The following SEMA6A variants were observed in gnomAD, a reference collection of about 807,000 sequenced individuals.
SEMA6A encodes semaphorin-6A.
Under a neutral mutation model 96.8 loss-of-function variants are expected in SEMA6A, and 25 were observed. The observed-to-expected ratio is 0.26, with a 90% CI of 0.19 to 0.36. The LOEUF is 0.36. Among genes scored for constraint, SEMA6A ranks in the 10% least tolerant of loss-of-function variants. The pLI is 1.00. For missense variants in SEMA6A, 1,363 were observed against 1,323.1 expected, an observed-to-expected ratio of 1.03 and a Z score of -0.47; for synonymous variants, 612 against 518.0, an observed-to-expected ratio of 1.18 and a Z score of -2.46.
At chr5:116,552,136 T>C (rs1241569402) in intron 1 of SEMA6A, among the ~76,000 whole-genome samples, 1 of 152,250 alleles carries the variant, frequency 6.6e-6, no homozygotes, top group Non-Finnish European at 1.5e-5. Context: ...AGGTGAGCTA[T>C]AGGCTTGTTC....
chr5:116,542,548 A>G (rs1398672750), intron 1 of SEMA6A, among the ~76,000 whole-genome samples: 2 of 152,220 alleles, frequency 1.3e-5, no homozygotes, highest in East Asian at 1.9e-4. Flanking sequence ...TAAAAGCACC[A>G]TGGGCCATAC....
intron 1 of SEMA6A, among the ~76,000 whole-genome samples, chr5:116,517,031 A>T (rs1244838178): frequency 6.6e-6 from 1 of 152,170 alleles, no homozygotes; most frequent in African/African-American, 2.4e-5. Flanking sequence ...GGCCAAGTTC[A>T]TTTCAGGAGT....
intron 1 of SEMA6A, among the ~76,000 whole-genome samples, chr5:116,545,703 C>T (rs1221274420): frequency 6.6e-6 from 1 of 152,186 alleles, no homozygotes; most frequent in Non-Finnish European, 1.5e-5. Context: ...TTCTTTGTGG[C>T]ACCAGGGAAC....
chr5:116,556,710 C>G (rs1294658911), intron 1 of SEMA6A, among the ~76,000 whole-genome samples: 1 of 152,130 alleles, frequency 6.6e-6, no homozygotes, highest in East Asian at 1.9e-4. Flanking sequence ...TTTTGGTGTT[C>G]AGCTTCATTT....
At chr5:116,461,732 G>A (rs963530428) in intron 18 of SEMA6A, among the ~76,000 whole-genome samples, 1 of 152,148 alleles carries the variant, frequency 6.6e-6, no homozygotes, top group Non-Finnish European at 1.5e-5. Flanking sequence ...TCTGTGGTGT[G>A]TGGTTTTGGC....
At chr5:116,542,323 A>G (rs1760007447) in intron 1 of SEMA6A, among the ~76,000 whole-genome samples, 1 of 152,180 alleles carries the variant, frequency 6.6e-6, no homozygotes, top group Non-Finnish European at 1.5e-5. Flanking sequence ...AAAATAAAGT[A>G]TCTTTTAAAG....
chr5:116,549,881 G>C lies in SEMA6A; in HGVS notation c.-39+24304C>G, dbSNP rs538058288. Among the ~76,000 whole-genome samples the C allele has an allele frequency of 4.6e-5, 7 of 152,270 alleles. No individual in the cohort carries two copies. In the South Asian group the frequency reaches 1.2e-3, roughly 27 times the overall value. ...CTTTCACAAACACCTCTTTGCCCAA[G>C]TGCTACCTGTACGATCGGTCACGGC... On this transcript the variant is annotated intron_variant, in intron 1 of 18. Transcript: ENST00000343348.
rs1757578866 is a variant in SEMA6A, at chr5:116,495,940, G to A, written c.342+311C>T. ...TGAGCTCTTCCACAGACTCCCTGTG[G>A]GCCTTGGACTGCGGAGGTGGGCATC... is the stretch of plus-strand genomic sequence containing the variant. On this transcript the variant is annotated intron_variant, in intron 5 of 18. Transcript: ENST00000343348. 1.4e-5 allele frequency: 5 copies of A among 353,556 alleles called. No homozygotes were observed. The South Asian group carries it at 1.5e-4, about 11-fold the overall frequency. 21.9% of individuals were successfully genotyped at this position (353,556 alleles called of 1,614,324 possible).
chr5:116,485,782 A>C (rs73781095), intron 10 of SEMA6A, among the ~76,000 whole-genome samples: 8,971 of 152,326 alleles, frequency 0.059, 423 homozygotes, highest in African/African-American at 0.13. Context: ...AAAATTCTGC[A>C]CAGAAATGAG....
chr5:116,528,542 C>CTA (rs1759328098), intron 1 of SEMA6A, among the ~76,000 whole-genome samples: 1 of 152,168 alleles, frequency 6.6e-6, no homozygotes, highest in Non-Finnish European at 1.5e-5. Context: ...AATGAGCTTG[C>CTA]GATAGGACCC....
At position 116,491,737 on chromosome 5, in the gene SEMA6A, T is replaced by C. The variant is rs1422325631; in HGVS notation, c.535+3A>G. ...TGCAACGAGGAGAAATCAGGTCGCT[T>C]ACCTGCAAACAGTGCAACGTTGGCA... On this transcript the variant is annotated splice_donor_region_variant and intron_variant, in intron 7 of 18. Coordinates refer to ENST00000343348, the MANE Select transcript of SEMA6A (RefSeq NM_020796.5). The C allele has an allele frequency of 1.2e-6, 2 of 1,612,214 alleles. No individual in the cohort carries two copies. Among genetic ancestry groups the C allele is most frequent in the African/African-American group, 1.3e-5 (1 of 74,884 alleles).
At chr5:116,485,244 T>C (rs1756994678) in intron 10 of SEMA6A, among the ~76,000 whole-genome samples, 1 of 152,134 alleles carries the variant, frequency 6.6e-6, no homozygotes, top group South Asian at 2.1e-4. Context: ...TACTACTATA[T>C]TGTAATCACA....
At chr5:116,501,993 G>A (rs539960246) in intron 3 of SEMA6A, among the ~76,000 whole-genome samples, 2 of 152,288 alleles carry the variant, frequency 1.3e-5, no homozygotes, top group South Asian at 2.1e-4. Flanking sequence ...GAGTGTAAGT[G>A]CCCAAATATG....
intron 1 of SEMA6A, among the ~76,000 whole-genome samples, chr5:116,556,476 C>G (rs188544436): frequency 6.6e-6 from 1 of 152,060 alleles, no homozygotes; most frequent in African/African-American, 2.4e-5. Flanking sequence ...GTTTATGTAC[C>G]AGACATCATT....
intron 1 of SEMA6A, among the ~76,000 whole-genome samples, chr5:116,522,036 T>C (rs1441791168): frequency 6.6e-6 from 1 of 152,166 alleles, no homozygotes; most frequent in Non-Finnish European, 1.5e-5. Flanking sequence ...ACCCCAGTGA[T>C]TGTAAAGGGG....
At chr5:116,460,283 C>G (rs1755298353) in intron 18 of SEMA6A, among the ~76,000 whole-genome samples, 1 of 152,116 alleles carries the variant, frequency 6.6e-6, no homozygotes, top group Non-Finnish European at 1.5e-5. Context: ...TTAAATTACT[C>G]TTTATCACAT....
intron 16 of SEMA6A, among the ~76,000 whole-genome samples, chr5:116,475,094 T>C (rs1756382965): frequency 6.6e-6 from 1 of 152,196 alleles, no homozygotes; most frequent in African/African-American, 2.4e-5. Flanking sequence ...ACAAATCTAA[T>C]TTAAAAACAT....
At chr5:116,543,352 AC>A (rs1351859065) in intron 1 of SEMA6A, among the ~76,000 whole-genome samples, 1 of 152,222 alleles carries the variant, frequency 6.6e-6, no homozygotes, top group Non-Finnish European at 1.5e-5. Flanking sequence ...CACTATGCTC[AC>A]GTTTTCACGT....
intron 1 of SEMA6A, among the ~76,000 whole-genome samples, chr5:116,549,259 A>G (rs1760307016): frequency 6.6e-6 from 1 of 152,200 alleles, no homozygotes; most frequent in South Asian, 2.1e-4. Flanking sequence ...GTGAGCATTC[A>G]TAATGGAATA....
Sources: allele counts gnomAD v4.1 joint callset (sites outside exome capture counted in the v4.1 genomes callset), GRCh38; gene constraint gnomAD v4.1.1; transcripts MANE v1.5; gene names NCBI Gene and HGNC (gene_info 2026-07-23, HGNC 2026-07-21).